PCDHGB3: variants seen among roughly 807,000 people sequenced by gnomAD.
The protein encoded by PCDHGB3 is protocadherin gamma subfamily B, 3, also known as protocadherin gamma-B3.
PCDHGB3 carries 40 observed loss-of-function variants against 59.2 expected under a neutral mutation model. That is an observed-to-expected ratio of 0.68 (90% CI 0.52 to 0.88). The LOEUF (loss-of-function observed/expected upper bound fraction) is 0.88. PCDHGB3 is among the 40% of genes least tolerant of loss of function. The probability of loss-of-function intolerance (pLI) is 0.00; values close to 1 mark genes in which losing one functional copy is unlikely to be tolerated. For synonymous variants in PCDHGB3, 581 were observed against 503.6 expected, an observed-to-expected ratio of 1.15 and a Z score of -2.06; for missense variants, 1,309 against 1,187.9, an observed-to-expected ratio of 1.10 and a Z score of -1.50.
At chr5:141,469,929 G>C (rs1208858245) in intron 1 of PCDHGB3, among the ~76,000 whole-genome samples, 1 of 152,168 alleles carries the variant, frequency 6.6e-6, no homozygotes, top group Non-Finnish European at 1.5e-5. Context: ...TCAGGAGTTT[G>C]AGACCAGCCT....
chr5:141,432,863 T>C lies in PCDHGB3; in HGVS notation c.2415+60054T>C, dbSNP rs762979829. On this transcript the variant is annotated intron_variant, in intron 1 of 3. Coordinates refer to ENST00000576222, the MANE Select transcript of PCDHGB3 (RefSeq NM_018924.5). This position sits in a 1 kb window ranked among gnomAD's most constrained non-coding sequence, Gnocchi z 6.0. ...GGTGGTAGCGGTGGCCGCGGTCTCCTGCGTCTTCCTGGCCTTCGTCATCTT... is the reference window on the plus strand; with the variant it reads ...GGTGGTAGCGGTGGCCGCGGTCTCCCGCGTCTTCCTGGCCTTCGTCATCTT... 20 of 1,614,192 alleles carry C rather than the reference T, an allele frequency of 1.2e-5. No individual in the cohort carries two copies. Among genetic ancestry groups the C allele is most frequent in the Admixed American group, 6.7e-5 (4 of 60,032 alleles).
chr5:141,426,275 G>A (rs531044481), intron 1 of PCDHGB3: 2 of 164,168 alleles, frequency 1.2e-5, no homozygotes, highest in East Asian at 1.6e-4. Context: ...CTGCAGCAAC[G>A]CATGGGAAGG....
At position 141,431,468 on chromosome 5, in the gene PCDHGB3, G is replaced by A. The variant is rs756718016; in HGVS notation, c.2415+58659G>A. ...CCGCGTGATGGTTCTGGATGCGAAC[G>A]ACAACGCACCAGCGTTTGCTCAGCC... On this transcript the variant is annotated intron_variant, in intron 1 of 3. Transcript: ENST00000576222. This position sits in a 1 kb window ranked among gnomAD's most constrained non-coding sequence, Gnocchi z 4.8. The A allele has an allele frequency of 3.7e-6, 6 of 1,613,804 alleles. No homozygotes were observed. In the Admixed American group the frequency reaches 8.3e-5, roughly 22 times the overall value.
chr5:141,405,394 C>T, intron 1 of PCDHGB3: 4 of 1,593,132 alleles, frequency 2.5e-6, no homozygotes, highest in Non-Finnish European at 3.4e-6. Context: ...CATTTTTTTT[C>T]TTTCTTTCTT....
intron 1 of PCDHGB3, among the ~76,000 whole-genome samples, chr5:141,451,606 G>C (rs2098720118): frequency 6.6e-6 from 1 of 152,152 alleles, no homozygotes; most frequent in Non-Finnish European, 1.5e-5. Flanking sequence ...ACAAGGCTAG[G>C]CATGGTGGCT....
chr5:141,476,601 C>A lies in PCDHGB3; in HGVS notation c.2416-18206C>A. On this transcript the variant is annotated intron_variant, in intron 1 of 3. Coordinates refer to ENST00000576222, the MANE Select transcript of PCDHGB3 (RefSeq NM_018924.5). The surrounding 1 kb of genome is among the most constrained non-coding windows in gnomAD (Gnocchi z 7.6). ...TTTCCGCTCGAGAGCGCGCACGATC[C>A]CGATGTGGGAAGCAACTCTTTACAA... The A allele has an allele frequency of 6.2e-7, 1 of 1,614,228 alleles. No homozygotes were observed. The highest frequency in any genetic ancestry group is 2.2e-5 in the East Asian group (1 of 44,878).
At chr5:141,415,095 C>T (rs1045755927) in intron 1 of PCDHGB3, 1 of 1,613,584 alleles carries the variant, frequency 6.2e-7, no homozygotes, top group Non-Finnish European at 8.5e-7. Context: ...TGGACAGAGA[C>T]GCGCTCAAGC....
At chr5:141,387,526 G>A (rs186607627) in intron 1 of PCDHGB3, among the ~76,000 whole-genome samples, 58 of 152,324 alleles carry the variant, frequency 3.8e-4, no homozygotes, top group African/African-American at 1.3e-3. Context: ...ATATACAGAC[G>A]TATCCACGTA....
intron 1 of PCDHGB3, chr5:141,405,358 A>T: frequency 6.2e-7 from 1 of 1,613,900 alleles, no homozygotes; most frequent in East Asian, 2.2e-5. Flanking sequence ...TTCCTATAGA[A>T]GACACCCCTT....
chr5:141,478,435 G>A, intron 1 of PCDHGB3: 1 of 1,613,736 alleles, frequency 6.2e-7, no homozygotes, highest in Non-Finnish European at 8.5e-7. Context: ...ACCCGCTGCT[G>A]AAGAAACCTG....
At chr5:141,399,598 G>A in intron 1 of PCDHGB3, 1 of 1,613,964 alleles carries the variant, frequency 6.2e-7, no homozygotes, top group Non-Finnish European at 8.5e-7. Context: ...CATGGCCAGC[G>A]ACCTAGAGCC....
chr5:141,410,849 C>CTTTTTTTTCTTTTTT (rs2095433387), intron 1 of PCDHGB3: 1 of 129,786 alleles, frequency 7.7e-6, no homozygotes, highest in African/African-American at 6.0e-5. Context: ...TTGTCTTTGT[C>CTTTTTTTTCTTTTTT]TTTTTTTTTT....
At chr5:141,453,932 C>T (rs57919166) in intron 1 of PCDHGB3, among the ~76,000 whole-genome samples, 2 of 152,296 alleles carry the variant, frequency 1.3e-5, no homozygotes, top group African/African-American at 4.8e-5. Context: ...TCACTGTGTG[C>T]CTATAATTTA....
At position 141,473,311 on chromosome 5, in the gene PCDHGB3, A is replaced by G. The variant is rs139053997; in HGVS notation, c.2416-21496A>G. On this transcript the variant is annotated intron_variant, in intron 1 of 3. Coordinates refer to ENST00000576222, the MANE Select transcript of PCDHGB3 (RefSeq NM_018924.5). ...TCAGTAGCATAAAGATTGCTATATTAATAAGCATTAAGTGCCTGCTGTGCT... is the reference window on the plus strand; with the variant it reads ...TCAGTAGCATAAAGATTGCTATATTGATAAGCATTAAGTGCCTGCTGTGCT... Among the ~76,000 whole-genome samples, 1,321 of 152,342 alleles carry G rather than the reference A, an allele frequency of 8.7e-3. 28 individuals carry two copies. Among genetic ancestry groups the G allele is most frequent in the African/African-American group, 0.03 (1,236 of 41,582 alleles).
chr5:141,413,785 C>T (rs771027783), intron 1 of PCDHGB3: 1 of 1,613,186 alleles, frequency 6.2e-7, no homozygotes, highest in Non-Finnish European at 8.5e-7. Flanking sequence ...GGAGCACTCC[C>T]TAGATCGCGA....
intron 1 of PCDHGB3, chr5:141,389,998 T>G: frequency 6.2e-7 from 1 of 1,614,046 alleles, no homozygotes; most frequent in Non-Finnish European, 8.5e-7. Flanking sequence ...CTCGTGGCCA[T>G]GATTCTGGCC....
In PCDHGB3 at chr5:141,372,318, C is replaced by T. The variant is rs1768657000; in HGVS notation, c.1924C>T (p.Leu642=). ...LGDREAARQR[L]LVTVRDGGQQ... ...CGACAGGGAGGCCGCCCGCCAGCGC[C>T]TGCTGGTCACTGTGCGTGATGGAGG... The change falls in exon 1 of 4, where the codon CTG becomes TTG. Residue 642 remains leucine, a synonymous_variant. Transcript: ENST00000576222. The T allele has an allele frequency of 1.2e-6, 2 of 1,613,632 alleles. No individual in the cohort carries two copies. Among genetic ancestry groups the T allele is most frequent in the Non-Finnish European group, 1.7e-6 (2 of 1,179,904 alleles).
chr5:141,401,320 C>A (rs1420214369), intron 1 of PCDHGB3, among the ~76,000 whole-genome samples: 1 of 151,626 alleles, frequency 6.6e-6, no homozygotes, highest in East Asian at 1.9e-4. Flanking sequence ...CCAGCCTGGG[C>A]AACAAGAGCA....
At chr5:141,403,905 A>G in intron 1 of PCDHGB3, 1 of 1,613,894 alleles carries the variant, frequency 6.2e-7, no homozygotes, top group Non-Finnish European at 8.5e-7. Context: ...TATGAAATGG[A>G]AATACAAGCT....
Sources: allele counts gnomAD v4.1 joint callset (sites outside exome capture counted in the v4.1 genomes callset), GRCh38; gene constraint gnomAD v4.1.1; non-coding constraint Gnocchi (gnomAD v3.1); transcripts MANE v1.5; gene names NCBI Gene and HGNC (gene_info 2026-07-23, HGNC 2026-07-21).